FUT8: variants seen among roughly 807,000 people sequenced by gnomAD.
FUT8 encodes fucosyltransferase 8, also known as alpha-(1,6)-fucosyltransferase.
FUT8 carries 29 observed loss-of-function variants against 71.3 expected under a neutral mutation model. The observed-to-expected ratio is 0.41, with a 90% CI of 0.30 to 0.55. The LOEUF (loss-of-function observed/expected upper bound fraction) is 0.55. Among genes scored for constraint, FUT8 ranks in the 20% least tolerant of loss-of-function variants. The pLI, the probability that FUT8 is intolerant of heterozygous loss-of-function variation, is 0.34. For missense variants in FUT8, 544 were observed against 702.1 expected, an observed-to-expected ratio of 0.77 and a Z score of 2.55; for synonymous variants, 254 against 239.3, an observed-to-expected ratio of 1.06 and a Z score of -0.57.
intron 3 of FUT8, among the ~76,000 whole-genome samples, chr14:65,562,346 C>G (rs955849863): frequency 6.6e-6 from 1 of 151,990 alleles, no homozygotes; most frequent in South Asian, 2.1e-4. Flanking sequence ...GTTAGTCTAA[C>G]TAGAACTTAT....
At chr14:65,673,530 C>G (rs538112098) in intron 7 of FUT8, among the ~76,000 whole-genome samples, 4 of 152,184 alleles carry the variant, frequency 2.6e-5, no homozygotes, top group Non-Finnish European at 5.9e-5. Context: ...TAAGCTGAGA[C>G]CTAAATTATG....
At chr14:65,454,093 C>G (rs1353171960) in intron 1 of FUT8, among the ~76,000 whole-genome samples, 2 of 152,190 alleles carry the variant, frequency 1.3e-5, no homozygotes, top group Non-Finnish European at 2.9e-5. Flanking sequence ...TTTGCAGTTG[C>G]TTACCATCTG....
At chr14:65,367,926 A>G in the FUT8 span, among the ~76,000 whole-genome samples, 11 of 151,992 alleles carry the variant, frequency 7.2e-5, no homozygotes, top group Admixed American at 2.6e-4. Context: ...TGGCAAACTG[A>G]TTTGGAAAAG....
At chr14:65,598,604 AGT>A (rs1472939204) in intron 3 of FUT8, among the ~76,000 whole-genome samples, 1 of 152,056 alleles carries the variant, frequency 6.6e-6, no homozygotes, top group Non-Finnish European at 1.5e-5. Context: ...TTTAGCTTTG[AGT>A]GTTTTTTGAT....
chr14:65,499,967 A>C (rs992929808), intron 2 of FUT8, among the ~76,000 whole-genome samples: 1 of 152,214 alleles, frequency 6.6e-6, no homozygotes, highest in Admixed American at 6.5e-5. Flanking sequence ...AATTCAGCTT[A>C]GTTATTTTTA....
chr14:65,397,199 A>C, the FUT8 span, among the ~76,000 whole-genome samples: 1 of 152,328 alleles, frequency 6.6e-6, no homozygotes, highest in Admixed American at 6.5e-5. The surrounding 1 kb of genome is among the most constrained non-coding windows in gnomAD (Gnocchi z 4.2). Context: ...CAGGCTTGGA[A>C]GTGACTCACA....
intron 2 of FUT8, among the ~76,000 whole-genome samples, chr14:65,552,514 T>C (rs555998945): frequency 2.0e-5 from 3 of 152,250 alleles, no homozygotes; most frequent in Non-Finnish European, 1.5e-5. Context: ...AAAATAAAAT[T>C]TACATAACAT....
intron 7 of FUT8, among the ~76,000 whole-genome samples, chr14:65,710,292 C>G (rs1325644827): frequency 6.6e-6 from 1 of 152,026 alleles, no homozygotes; most frequent in Non-Finnish European, 1.5e-5. Flanking sequence ...AGATGGTACA[C>G]AAATGACTAA....
At chr14:65,672,503 A>T (rs1341495831) in intron 7 of FUT8, among the ~76,000 whole-genome samples, 3 of 152,182 alleles carry the variant, frequency 2.0e-5, no homozygotes, top group Non-Finnish European at 4.4e-5. Flanking sequence ...TCTGACACCC[A>T]GGCTGGAGTG....
intron 3 of FUT8, among the ~76,000 whole-genome samples, chr14:65,600,288 T>C (rs76087165): frequency 0.14 from 20,892 of 152,234 alleles, 1,912 homozygotes; most frequent in South Asian, 0.28. Flanking sequence ...CAGAGCTTTG[T>C]TATTTTGTCC....
At chr14:65,668,549 G>T (rs1422701743) in intron 6 of FUT8, among the ~76,000 whole-genome samples, 4 of 152,116 alleles carry the variant, frequency 2.6e-5, no homozygotes, top group African/African-American at 9.7e-5. Flanking sequence ...TGCTGGTGAG[G>T]CTGCAGAGAA....
At chr14:65,650,292 C>CT (rs1215814661) in intron 6 of FUT8, among the ~76,000 whole-genome samples, 8 of 80,632 alleles carry the variant, frequency 9.9e-5, no homozygotes, top group Admixed American at 6.1e-4. Context: ...GAGTGAGACT[C>CT]TGTCTCAAAA....
Position 65,692,706 on chromosome 14 carries a change from C to T in FUT8, c.835+23226C>T, listed in dbSNP as rs557275699. Among the ~76,000 whole-genome samples, 36 of 148,268 alleles carry T rather than the reference C, an allele frequency of 2.4e-4. No individual in the cohort carries two copies. The South Asian group carries it at 6.8e-3, about 28-fold the overall frequency. ...CCAGGCGGAGGGGCTCCTCACTTCTCAGACGGGGCGGCTGCCGGGCGGAGG... is the reference window on the plus strand; with the variant it reads ...CCAGGCGGAGGGGCTCCTCACTTCTTAGACGGGGCGGCTGCCGGGCGGAGG... On this transcript the variant is annotated intron_variant, in intron 7 of 10. Coordinates refer to ENST00000673929, the MANE Select transcript of FUT8 (RefSeq NM_001371533.1).
chr14:65,385,068 T>TA, the FUT8 span, among the ~76,000 whole-genome samples: 492 of 151,880 alleles, frequency 3.2e-3, 2 homozygotes, highest in East Asian at 0.016. Context: ...ATTTTTTTTT[T>TA]ATGTATTTTT....
the FUT8 span, among the ~76,000 whole-genome samples, chr14:65,388,177 A>G: frequency 2.0e-5 from 3 of 152,250 alleles, no homozygotes; most frequent in African/African-American, 7.2e-5. Context: ...ATAGTCGAGC[A>G]AATTTAGGAG....
chr14:65,515,117 G>GAAA (rs767832928), intron 2 of FUT8, among the ~76,000 whole-genome samples: 2,261 of 152,214 alleles, frequency 0.015, 19 homozygotes, highest in Middle Eastern at 0.024. Context: ...TTGAAATTCA[G>GAAA]TTCCTAGTGT....
At chr14:65,631,995 C>T (rs903515943) in intron 6 of FUT8, among the ~76,000 whole-genome samples, 3 of 152,192 alleles carry the variant, frequency 2.0e-5, no homozygotes, top group Non-Finnish European at 4.4e-5. Context: ...ATAATAGTCT[C>T]CAATCTCATG....
At chr14:65,393,936 T>A in the FUT8 span, among the ~76,000 whole-genome samples, 1 of 152,154 alleles carries the variant, frequency 6.6e-6, no homozygotes, top group East Asian at 1.9e-4. Flanking sequence ...GAGAGCCAAG[T>A]GAAAGGGGGT....
intron 6 of FUT8, among the ~76,000 whole-genome samples, chr14:65,661,847 T>G (rs1428642443): frequency 1.3e-5 from 2 of 152,246 alleles, no homozygotes; most frequent in African/African-American, 2.4e-5. Flanking sequence ...TGTGCTAATT[T>G]GAAATATGTC....
Sources: gnomAD v4.1 joint callset for allele counts (sites outside exome capture counted in the v4.1 genomes callset) on GRCh38, gnomAD v4.1.1 for gene constraint, Gnocchi (gnomAD v3.1) non-coding constraint, MANE v1.5 for transcripts, NCBI Gene and HGNC (gene_info 2026-07-23, HGNC 2026-07-21) for gene names.